The following MUCL3 variants were observed in gnomAD, a reference collection of about 807,000 sequenced individuals.
The protein encoded by MUCL3 is mucin-like protein 3.
A neutral mutation model predicts 70.2 loss-of-function variants in MUCL3; 42 were observed. The observed-to-expected ratio is 0.60, with a 90% CI of 0.47 to 0.77. MUCL3 has a LOEUF of 0.77. Ranked by LOEUF, MUCL3 falls within the 30% of genes least tolerant of loss-of-function variation. MUCL3 has a pLI of 0.00. For synonymous variants in MUCL3, 522 were observed against 647.0 expected (o/e 0.81, Z 2.93); for missense variants, 1,429 against 1,670.0 (o/e 0.86, Z 2.52).
In MUCL3 at chr6:30,949,681, C is replaced by T; in HGVS notation, c.1217C>T (p.Thr406Ile). The part of the protein sequence containing the change: ...PAEPTEHGER[T>I]PFANDKTTSS... ...GAGCCTACAGAACATGGAGAAAGGA[C>T]CCCATTTGCCAATGACAAAACCACA... is the stretch of plus-strand genomic sequence containing the variant. The change falls in exon 2 of 3, where the codon ACC becomes ATC. Residue 406 changes from threonine to isoleucine, a missense_variant. Physicochemically the swap from Thr to Ile is moderately conservative, Grantham distance 89. Coordinates refer to ENST00000462446, the MANE Select transcript of MUCL3 (RefSeq NM_080870.4). The T allele has an allele frequency of 1.3e-6, 2 of 1,548,270 alleles. No individual in the cohort carries two copies. Among genetic ancestry groups the T allele is most frequent in the Non-Finnish European group, 1.7e-6 (2 of 1,146,008 alleles).
chr6:30,952,032 T>C lies in MUCL3; in HGVS notation c.3568T>C (p.Tyr1190His). The change falls in exon 2 of 3, where the codon TAC (tyrosine) becomes CAC (histidine). Residue 1190 changes from tyrosine (Y) to histidine (H), a missense_variant. By Grantham distance (83) the Tyr-to-His change is moderately conservative (BLOSUM62 2). Coordinates refer to ENST00000462446, the MANE Select transcript of MUCL3 (RefSeq NM_080870.4). ...AAGAACCCCAGAAAAGCCTACGCTA[T>C]ACTCAGAGAAGACCATATGCACCAA... ...TTRTPEKPTLYSEKTICTKGK... is the reference protein window; with the variant it reads ...TTRTPEKPTLHSEKTICTKGK... The C allele has an allele frequency of 1.2e-6, 2 of 1,607,178 alleles. No homozygotes were observed. Among genetic ancestry groups the C allele is most frequent in the Non-Finnish European group, 1.7e-6 (2 of 1,178,618 alleles).
In MUCL3 at chr6:30,951,757, C is replaced by T; in HGVS notation, c.3293C>T (p.Thr1098Ile). 1 of 1,553,714 alleles carries T rather than the reference C, an allele frequency of 6.4e-7. No homozygotes were observed. Among genetic ancestry groups the T allele is most frequent in the Non-Finnish European group, 8.7e-7 (1 of 1,148,116 alleles). ...AKTTSANEKITPSLAKPTEHG... is the reference protein window; with the variant it reads ...AKTTSANEKIIPSLAKPTEHG... ...ACTACGTCGGCCAATGAGAAGATCA[C>T]ACCATCCCTAGCAAAGCCTACAGAA... Residue 1098 changes from threonine to isoleucine, a missense_variant, in exon 2 of 3, where the codon ACA becomes ATA. Thr to Ile is a moderately conservative substitution (Grantham distance 89). Transcript: ENST00000462446.
Position 30,950,794 on chromosome 6 carries a change from T to TC in MUCL3, c.2330_2331insC (p.Ala778SerfsTer15), listed in dbSNP as rs1760629957. The TC allele has an allele frequency of 6.6e-7, 1 of 1,511,562 alleles. No individual in the cohort carries two copies. The highest frequency in any genetic ancestry group is 8.8e-7 in the Non-Finnish European group (1 of 1,131,608). 93.6% of individuals were successfully genotyped at this position (1,511,562 alleles called of 1,614,324 possible). A position where few individuals can be genotyped will look rare whatever the true frequency, so the allele number is the denominator to read the frequency against. On this transcript the variant is annotated frameshift_variant, in exon 2 of 3. Coordinates refer to ENST00000462446, the MANE Select transcript of MUCL3 (RefSeq NM_080870.4). LOFTEE classifies it high-confidence loss of function. ...GCCAATGAGAAGACCACACCATCTC[T>TC]AGCAGAGCCTACAGAAAATGGAAAA... is the stretch of plus-strand genomic sequence containing the variant.
At chr6:30,945,872 T>G (rs1468037155) in intron 1 of MUCL3, 1 of 152,200 alleles carries the variant, frequency 6.6e-6, no homozygotes, top group Non-Finnish European at 1.5e-5. Flanking sequence ...GAAAATCACT[T>G]GAACCCAGGA....
rs1031434919 is a variant in MUCL3, at chr6:30,954,061, G to C, written c.*944G>C. On this transcript the variant is annotated 3_prime_UTR_variant, in exon 3 of 3. Transcript: ENST00000462446. This position sits in a 1 kb window ranked among gnomAD's most constrained non-coding sequence, Gnocchi z 4.4. ...CCAGATTCAAGTTTTCCTCCTTGTA[G>C]GCATTTCATCTGTGTGTGTTTTCTG... 6.6e-6 allele frequency: 1 copy of C among 152,206 alleles called. No homozygotes were observed. The allele number at this position is 152,206 out of a possible 1,614,324, so 9.4% of individuals were successfully genotyped here. A position where few individuals can be genotyped will look rare whatever the true frequency, so the allele number is the denominator to read the frequency against.
In MUCL3 at chr6:30,941,010, C is replaced by A; in HGVS notation, c.11C>A (p.Pro4Gln). 6.5e-7 allele frequency: 1 copy of A among 1,550,012 alleles called. No individual in the cohort carries two copies. Among genetic ancestry groups the A allele is most frequent in the South Asian group, 1.2e-5 (1 of 84,050 alleles). The change falls in exon 1 of 3, where the codon CCG (proline) becomes CAG (glutamine). Residue 4 changes from proline (P) to glutamine (Q), a missense_variant. Pro to Gln is a moderately conservative substitution (Grantham distance 76, BLOSUM62 -1). Coordinates refer to ENST00000462446, the MANE Select transcript of MUCL3 (RefSeq NM_080870.4). MAQ[P>Q]VHSLCSAFGL... ...CCACCCAGCTCCGACATGGCCCAGC[C>A]GGTCCACAGCCTCTGCTCCGCCTTT...
At chr6:30,941,160 T>C (rs1795555766) in intron 1 of MUCL3, 79 bp downstream of exon 1, 4 of 1,502,724 alleles carry the variant, frequency 2.7e-6, no homozygotes, top group South Asian at 1.2e-5. Context: ...CAAATAGAAA[T>C]GAATGAAGGG....
rs1401608831 is a variant in MUCL3, at chr6:30,950,206, C to T, written c.1742C>T (p.Thr581Ile). Reference sequence around the variant, plus strand: ...ACCACGCCATCTCTAGCAGAGCCTACAGAAAATGGACAAAGGACCCCATTT... The same window carrying T: ...ACCACGCCATCTCTAGCAGAGCCTATAGAAAATGGACAAAGGACCCCATTT... ...EKTTPSLAEP[T>I]ENGQRTPFAN... The change falls in exon 2 of 3, where the codon ACA becomes ATA. Residue 581 changes from threonine (T) to isoleucine (I), a missense_variant. Coordinates refer to ENST00000462446, the MANE Select transcript of MUCL3 (RefSeq NM_080870.4). The T allele has an allele frequency of 1.9e-6, 3 of 1,549,952 alleles. No individual in the cohort carries two copies. The highest frequency in any genetic ancestry group is 1.7e-4 in the Middle Eastern group (1 of 5,990).
Position 30,953,083 on chromosome 6 carries a change from A to G in MUCL3, c.4148A>G (p.Asn1383Ser). 1.2e-6 allele frequency: 2 copies of G among 1,614,244 alleles called. No individual in the cohort carries two copies. The highest frequency in any genetic ancestry group is 1.7e-6 in the Non-Finnish European group (2 of 1,180,038). The change falls in exon 3 of 3, where the codon AAT becomes AGT. Residue 1383 changes from asparagine to serine, a missense_variant. Coordinates refer to ENST00000462446, the MANE Select transcript of MUCL3 (RefSeq NM_080870.4). ...SYPVYLMEQQ[N>S]LGMGQIPSPR ...CCGGTCTACCTGATGGAGCAGCAGA[A>G]TCTTGGCATGGGCCAGATCCCTTCC...
In MUCL3 at chr6:30,950,828, A is replaced by C. The variant is rs541889753; in HGVS notation, c.2364A>C (p.Pro788=). The C allele has an allele frequency of 1.3e-6, 2 of 1,549,522 alleles. No individual in the cohort carries two copies. The highest frequency in any genetic ancestry group is 3.9e-5 in the Admixed American group (2 of 50,736). The part of the protein sequence containing the change: ...AEPTENGKRT[P]FANEKTTSSS... The stretch of plus-strand genomic sequence containing the variant: ...CTACAGAAAATGGAAAAAGGACCCC[A>C]TTTGCCAATGAGAAGACCACATCAT... The change falls in exon 2 of 3, where the codon CCA becomes CCC. Residue 788 remains proline (P), a synonymous_variant. Coordinates refer to ENST00000462446, the MANE Select transcript of MUCL3 (RefSeq NM_080870.4).
At chr6:30,944,974 G>A (rs1795725524) in intron 1 of MUCL3, among the ~76,000 whole-genome samples, 2 of 152,186 alleles carry the variant, frequency 1.3e-5, no homozygotes, top group South Asian at 4.1e-4. Context: ...ACAACTGTTT[G>A]ATGCAGATCT....
rs1562495856 is a variant in MUCL3, at chr6:30,952,319, T to TG, written c.3855_3856insG (p.Ser1286ValfsTer17). 1.9e-6 allele frequency: 3 copies of TG among 1,614,102 alleles called. No individual in the cohort carries two copies. Among genetic ancestry groups the TG allele is most frequent in the Non-Finnish European group, 2.5e-6 (3 of 1,180,018 alleles). On this transcript the variant is annotated frameshift_variant, in exon 2 of 3. Transcript: ENST00000462446. LOFTEE classifies it high-confidence loss of function. ...TCATTACATCTAGAACGAAGCTGAGTTCTATCACATCAGAAGCCACAGGAA... is the reference window on the plus strand; with the variant it reads ...TCATTACATCTAGAACGAAGCTGAGTGTCTATCACATCAGAAGCCACAGGAA...
Position 30,952,322 on chromosome 6 carries a change from T to C in MUCL3, c.3858T>C (p.Ser1286=). 6.2e-7 allele frequency: 1 copy of C among 1,614,140 alleles called. No homozygotes were observed. The highest frequency in any genetic ancestry group is 8.5e-7 in the Non-Finnish European group (1 of 1,180,016). Residue 1286 remains serine (S), a synonymous_variant, in exon 2 of 3, where the codon TCT becomes TCC. Transcript: ENST00000462446. ...TLITSRTKLS[S]ITSEATGNES... ...TTACATCTAGAACGAAGCTGAGTTCTATCACATCAGAAGCCACAGGAAACG... is the reference window on the plus strand; with the variant it reads ...TTACATCTAGAACGAAGCTGAGTTCCATCACATCAGAAGCCACAGGAAACG...
Position 30,953,365 on chromosome 6 carries a change from G to A in MUCL3, c.*248G>A. ...GCAGACATTCTCTGTAGAAGGTAAT[G>A]GTCTGAGAATGAAAAGGTGTTTGAT... On this transcript the variant is annotated 3_prime_UTR_variant, in exon 3 of 3. Transcript: ENST00000462446. The A allele has an allele frequency of 1.7e-6, 1 of 589,182 alleles. No homozygotes were observed. Among genetic ancestry groups the A allele is most frequent in the East Asian group, 2.9e-5 (1 of 34,570 alleles). The allele number at this position is 589,182 out of a possible 1,614,324, so 36.5% of individuals were successfully genotyped here. A position where few individuals can be genotyped will look rare whatever the true frequency, so the allele number is the denominator to read the frequency against.
At chr6:30,944,581 C>G (rs1396787393) in intron 1 of MUCL3, among the ~76,000 whole-genome samples, 4 of 152,184 alleles carry the variant, frequency 2.6e-5, no homozygotes, top group African/African-American at 9.7e-5. Context: ...AGCCGATGTC[C>G]TCTCTTTCAA....
intron 1 of MUCL3, among the ~76,000 whole-genome samples, chr6:30,945,645 A>AAAC (rs563638482): frequency 1.3e-5 from 2 of 150,804 alleles, no homozygotes; most frequent in Non-Finnish European, 3.0e-5. Context: ...ACTCTATCTC[A>AAAC]AACAACAACA....
chr6:30,951,266 C>A lies in MUCL3; in HGVS notation c.2802C>A (p.Ile934=), dbSNP rs1281846986. The change falls in exon 2 of 3, where the codon ATC becomes ATA. Residue 934 remains isoleucine, a synonymous_variant. Coordinates refer to ENST00000462446, the MANE Select transcript of MUCL3 (RefSeq NM_080870.4). Reference sequence around the variant, plus strand: ...AAAGGACCCCACTGGCCAATGAGATCACCACACCATCCCGAGCAGAGCCTA... The same window carrying A: ...AAAGGACCCCACTGGCCAATGAGATAACCACACCATCCCGAGCAGAGCCTA... ...HGERTPLANE[I]TTPSRAEPTE... The A allele has an allele frequency of 6.5e-7, 1 of 1,547,142 alleles. No homozygotes were observed. The highest frequency in any genetic ancestry group is 1.4e-5 in the African/African-American group (1 of 71,170).
chr6:30,950,468 C>T lies in MUCL3; in HGVS notation c.2004C>T (p.Ala668=). Reference sequence around the variant, plus strand: ...CTACAGAAAATAGAGAAAGGACAGCCAATGAGAAGACCACATCATCCCCAG... The same window carrying T: ...CTACAGAAAATAGAGAAAGGACAGCTAATGAGAAGACCACATCATCCCCAG... ...AEPTENRERT[A]NEKTTSSPAE... Residue 668 remains alanine, a synonymous_variant, in exon 2 of 3, where the codon GCC becomes GCT. Transcript: ENST00000462446. 1.3e-6 allele frequency: 2 copies of T among 1,549,540 alleles called. No homozygotes were observed. The highest frequency in any genetic ancestry group is 1.7e-6 in the Non-Finnish European group (2 of 1,146,726).
rs1193855650 is a variant in MUCL3, at chr6:30,951,403, C to G, written c.2939C>G (p.Pro980Arg). ...GACACCACACCATCCTCAGCAGAGC[C>G]TACAGAAAATGGAGAAAGGACCCCA... ...NEDTTPSSAE[P>R]TENGERTPLA... The change falls in exon 2 of 3, where the codon CCT (proline) becomes CGT (arginine). Residue 980 changes from proline to arginine, a missense_variant. Physicochemically the swap from Pro to Arg is moderately radical, Grantham distance 103. Transcript: ENST00000462446. The G allele has an allele frequency of 6.5e-7, 1 of 1,548,796 alleles. No homozygotes were observed. Among genetic ancestry groups the G allele is most frequent in the South Asian group, 1.2e-5 (1 of 83,970 alleles).
Sources: gnomAD v4.1 joint callset for allele counts (sites outside exome capture counted in the v4.1 genomes callset) on GRCh38, gnomAD v4.1.1 for gene constraint, Gnocchi (gnomAD v3.1) non-coding constraint, MANE v1.5 for transcripts, NCBI Gene and HGNC (gene_info 2026-07-23, HGNC 2026-07-21) for gene names.